The following GASK1B variants were observed in gnomAD, a reference collection of about 807,000 sequenced individuals.
The protein encoded by GASK1B is golgi associated kinase 1B, also known as Golgi-associated kinase 1B.
In GASK1B, 34 loss-of-function variants were observed where a neutral mutation model predicts 42.8. The ratio of observed to expected loss-of-function variants is 0.79; its 90% confidence interval spans 0.60 to 1.06. The LOEUF is 1.06. Ranked by LOEUF, GASK1B falls within the 50% of genes least tolerant of loss-of-function variation. GASK1B has a pLI of 0.00. For synonymous variants in GASK1B, 262 were observed against 259.1 expected, an observed-to-expected ratio of 1.01 and a Z score of -0.11; for missense variants, 686 against 661.0, an observed-to-expected ratio of 1.04 and a Z score of -0.42.
Position 158,171,457 on chromosome 4 carries a change from C to T in GASK1B, c.-82G>A. 1 of 1,434,238 alleles carries T rather than the reference C, an allele frequency of 7.0e-7. No homozygotes were observed. Among genetic ancestry groups the T allele is most frequent in the South Asian group, 1.6e-5 (1 of 63,750 alleles). The allele number at this position is 1,434,238 out of a possible 1,614,324, so 88.8% of individuals were successfully genotyped here. On this transcript the variant is annotated 5_prime_UTR_variant, in exon 2 of 5. Transcript: ENST00000585682. ...AATGTGATGCATGGTTTCCTGACTTCAGCTGCCGCGTCCGCTTCGGGATAT... is the reference window on the plus strand; with the variant it reads ...AATGTGATGCATGGTTTCCTGACTTTAGCTGCCGCGTCCGCTTCGGGATAT...
At chr4:158,137,882 A>G (rs944172924) in intron 3 of GASK1B, among the ~76,000 whole-genome samples, 1 of 152,244 alleles carries the variant, frequency 6.6e-6, no homozygotes, top group African/African-American at 2.4e-5. Flanking sequence ...AGAGAAATGT[A>G]AAAATAGTCT....
At chr4:158,141,732 G>A (rs1382799324) in intron 3 of GASK1B, among the ~76,000 whole-genome samples, 8 of 146,850 alleles carry the variant, frequency 5.4e-5, no homozygotes, top group East Asian at 2.1e-4. Flanking sequence ...TCAGCTTCCC[G>A]AGTAGCTGGG....
At chr4:158,131,808 C>T (rs1730694119) in intron 3 of GASK1B, among the ~76,000 whole-genome samples, 1 of 152,140 alleles carries the variant, frequency 6.6e-6, no homozygotes, top group Non-Finnish European at 1.5e-5. Context: ...AGCTCTGCAA[C>T]CTTGTGTAGA....
At position 158,155,509 on chromosome 4, in the gene GASK1B, C is replaced by G. The variant is rs543474548; in HGVS notation, c.1125+102G>C. On this transcript the variant is annotated intron_variant, in intron 3 of 4. Coordinates refer to ENST00000585682, the MANE Select transcript of GASK1B (RefSeq NM_001128424.2). ...TGCACCAAGCTAATAGAAGTTATCA[C>G]CAGCTTCATAAAAACTCCAGGTGCT... 1,444 of 1,017,712 alleles carry G rather than the reference C, an allele frequency of 1.4e-3. 14 individuals are homozygous for G. Among genetic ancestry groups the G allele is most frequent in the Middle Eastern group, 0.011 (45 of 3,952 alleles). The allele number at this position is 1,017,712 out of a possible 1,614,324, so 63.0% of individuals were successfully genotyped here. A position where few individuals can be genotyped will look rare whatever the true frequency, so the allele number is the denominator to read the frequency against.
chr4:158,147,610 C>CA (rs11337957), intron 3 of GASK1B, among the ~76,000 whole-genome samples: 51 of 128,752 alleles, frequency 4.0e-4, no homozygotes, highest in African/African-American at 1.1e-3. Context: ...GACTCTGTCC[C>CA]AAAAAAAAAA....
At chr4:158,136,520 T>A (rs940591091) in intron 3 of GASK1B, among the ~76,000 whole-genome samples, 66 of 152,226 alleles carry the variant, frequency 4.3e-4, no homozygotes, top group African/African-American at 1.5e-3. Context: ...AGGCAGAATG[T>A]GCTTGACAGC....
At chr4:158,131,753 A>G (rs1195334408) in intron 3 of GASK1B, among the ~76,000 whole-genome samples, 1 of 152,212 alleles carries the variant, frequency 6.6e-6, no homozygotes, top group Non-Finnish European at 1.5e-5. Context: ...GCCTGGGCAA[A>G]GGAATCAGAT....
Position 158,155,680 on chromosome 4 carries a change from A to G in GASK1B, c.1056T>C (p.Pro352=). 6.2e-7 allele frequency: 1 copy of G among 1,613,930 alleles called. No individual in the cohort carries two copies. Among genetic ancestry groups the G allele is most frequent in the Non-Finnish European group, 8.5e-7 (1 of 1,179,810 alleles). ...KCWQNGRVPK[P]ESGCTEIHHH... ...GATGTATTTCAGTACAACCCGATTC[A>G]GGCTTGGGTACTCGGCCATTCTGCC... Residue 352 remains proline (P), a synonymous_variant, in exon 3 of 5, where the codon CCT becomes CCC. Coordinates refer to ENST00000585682, the MANE Select transcript of GASK1B (RefSeq NM_001128424.2).
chr4:158,171,149 G>C lies in GASK1B; in HGVS notation c.227C>G (p.Thr76Ser). The change falls in exon 2 of 5, where the codon ACC becomes AGC. Residue 76 changes from threonine (T) to serine (S), a missense_variant. By Grantham distance (58) the Thr-to-Ser change is moderately conservative. Transcript: ENST00000585682. ...TATCTCAGGGAAGGATGGCTCGGCG[G>C]TGTCGCGGCTGCGATGTGGCCCCTT... The part of the protein sequence containing the change: ...AEKGPHRSRD[T>S]AEPSFPEIPL... The C allele has an allele frequency of 1.2e-6, 2 of 1,608,262 alleles. No homozygotes were observed. The highest frequency in any genetic ancestry group is 1.7e-6 in the Non-Finnish European group (2 of 1,175,738).
intron 3 of GASK1B, among the ~76,000 whole-genome samples, chr4:158,150,658 C>T (rs1439223592): frequency 6.6e-6 from 1 of 152,140 alleles, no homozygotes; most frequent in Non-Finnish European, 1.5e-5. Context: ...GAGCTTCAGT[C>T]CTACCTATAA....
chr4:158,127,484 C>A lies in GASK1B; in HGVS notation c.1483G>T (p.Val495Leu), dbSNP rs777998205. ...GRQGIEKLID[V>L]IEHRAKILIT... is the part of the protein sequence containing the mutation. The stretch of plus-strand genomic sequence containing the variant: ...AGAATTTTGGCTCTGTGTTCTATTA[C>A]ATCGATAAGCTTTTCAATTCCTTGT... The change falls in exon 5 of 5, where the codon GTA (valine) becomes TTA (leucine). Residue 495 changes from valine to leucine, a missense_variant. Coordinates refer to ENST00000585682, the MANE Select transcript of GASK1B (RefSeq NM_001128424.2). 2.9e-5 allele frequency: 46 copies of A among 1,613,642 alleles called. No individual in the cohort carries two copies. The South Asian group carries it at 4.7e-4, about 17-fold the overall frequency.
intron 3 of GASK1B, among the ~76,000 whole-genome samples, chr4:158,148,197 G>C (rs1305083177): frequency 1.3e-5 from 2 of 152,162 alleles, no homozygotes; most frequent in Non-Finnish European, 2.9e-5. Flanking sequence ...CTGGGGAACA[G>C]AGCGAGACCC....
chr4:158,132,101 G>T (rs931394539), intron 3 of GASK1B, among the ~76,000 whole-genome samples: 2 of 152,130 alleles, frequency 1.3e-5, no homozygotes, highest in Non-Finnish European at 2.9e-5. Flanking sequence ...TAAGTAACCT[G>T]CCCTGGGTAG....
chr4:158,171,575 C>A lies in GASK1B; in HGVS notation c.-200G>T. On this transcript the variant is annotated 5_prime_UTR_variant, in exon 2 of 5. Transcript: ENST00000585682. ...AACAAACCTTTTAAATTATCAGTCTCCCCAAGGAGAAATGCGGCTTGTTTC... is the reference window on the plus strand; with the variant it reads ...AACAAACCTTTTAAATTATCAGTCTACCCAAGGAGAAATGCGGCTTGTTTC... 2.1e-6 allele frequency: 1 copy of A among 476,686 alleles called. No homozygotes were observed. The highest frequency in any genetic ancestry group is 3.6e-6 in the Non-Finnish European group (1 of 281,094). The allele number at this position is 476,686 out of a possible 1,614,324, so 29.5% of individuals were successfully genotyped here.
rs1289396775 is a variant in GASK1B at position 158,125,119 on chromosome 4, T to G, written c.*2288A>C. On this transcript the variant is annotated 3_prime_UTR_variant, in exon 5 of 5. Coordinates refer to ENST00000585682, the MANE Select transcript of GASK1B (RefSeq NM_001128424.2). ...AAAGAAGAACATTACCTATTAGAAT[T>G]AAAAGCCTGGCCTTCGGCTATCCAT... 1 of 152,218 alleles carries G rather than the reference T, an allele frequency of 6.6e-6. No homozygotes were observed. The highest frequency in any genetic ancestry group is 1.5e-5 in the Non-Finnish European group (1 of 68,024). The allele number at this position is 152,218 out of a possible 1,614,324, so 9.4% of individuals were successfully genotyped here.
chr4:158,129,390 C>A (rs987979221), intron 4 of GASK1B, among the ~76,000 whole-genome samples: 3 of 152,094 alleles, frequency 2.0e-5, no homozygotes, highest in Non-Finnish European at 2.9e-5. Context: ...AAAGAGAGAA[C>A]CTGCCACATA....
chr4:158,127,453 G>A lies in GASK1B; in HGVS notation c.1514C>T (p.Thr505Ile). Reference protein sequence around the residue: ...VIEHRAKILITYINAHGVKVL... With the variant: ...VIEHRAKILIIYINAHGVKVL... ...TTTGACCCCGTGTGCATTGATATAG[G>A]TGATAAGAATTTTGGCTCTGTGTTC... is the stretch of plus-strand genomic sequence containing the variant. The change falls in exon 5 of 5, where the codon ACC becomes ATC. Residue 505 changes from threonine (T) to isoleucine (I), a missense_variant. Thr to Ile is a moderately conservative substitution (Grantham distance 89). Coordinates refer to ENST00000585682, the MANE Select transcript of GASK1B (RefSeq NM_001128424.2). 1 of 1,613,612 alleles carries A rather than the reference G, an allele frequency of 6.2e-7. No homozygotes were observed. The highest frequency in any genetic ancestry group is 8.5e-7 in the Non-Finnish European group (1 of 1,179,680).
intron 3 of GASK1B, among the ~76,000 whole-genome samples, chr4:158,152,758 T>G (rs1731607177): frequency 6.6e-6 from 1 of 152,154 alleles, no homozygotes; most frequent in Non-Finnish European, 1.5e-5. Flanking sequence ...ACCACATGAT[T>G]ATCTCAACAG....
chr4:158,155,557 A>T, intron 3 of GASK1B, 54 bp downstream of exon 3: 1 of 1,431,946 alleles, frequency 7.0e-7, no homozygotes, highest in Non-Finnish European at 9.8e-7. Flanking sequence ...GTGTCAGGCT[A>T]ATATAACTCA....
Sources: gnomAD v4.1 joint callset for allele counts (sites outside exome capture counted in the v4.1 genomes callset) on GRCh38, gnomAD v4.1.1 for gene constraint, MANE v1.5 for transcripts, NCBI Gene and HGNC (gene_info 2026-07-23, HGNC 2026-07-21) for gene names.